Variants in LUC7L2 observed in about 807,000 individuals in gnomAD.
The protein encoded by LUC7L2 is LUC7 like 2, pre-mRNA splicing factor, also known as putative RNA-binding protein Luc7-like 2.
A neutral mutation model predicts 52.8 loss-of-function variants in LUC7L2; 25 were observed. The ratio of observed to expected loss-of-function variants is 0.47; its 90% CI spans 0.34 to 0.66. LUC7L2 has a LOEUF of 0.66. LUC7L2 is among the 30% of genes least tolerant of loss of function. LUC7L2 has a pLI of 0.01. For missense variants in LUC7L2, 328 were observed against 497.8 expected (o/e 0.66, Z 3.25); for synonymous variants, 144 against 160.9 (o/e 0.89, Z 0.80).
chr7:139,366,228 T>A, intron 1 of LUC7L2, among the ~76,000 whole-genome samples: 1 of 152,256 alleles, frequency 6.6e-6, no homozygotes, highest in East Asian at 1.9e-4. Flanking sequence ...TTGTGAACCA[T>A]GTACAACTGA....
intron 2 of LUC7L2, among the ~76,000 whole-genome samples, chr7:139,397,834 A>G (rs2131272644): frequency 6.6e-6 from 1 of 152,302 alleles, no homozygotes; most frequent in East Asian, 1.9e-4. Context: ...GAAGGACCCT[A>G]GATTCAGTAA....
intron 2 of LUC7L2, among the ~76,000 whole-genome samples, chr7:139,387,649 A>T (rs1311206291): frequency 6.6e-6 from 1 of 152,222 alleles, no homozygotes; most frequent in African/African-American, 2.4e-5. Flanking sequence ...GTTCCTACGC[A>T]AAACTTGTGG....
chr7:139,375,110 T>C, intron 1 of LUC7L2: 2 of 984,216 alleles, frequency 2.0e-6, no homozygotes, highest in African/African-American at 3.5e-5. Context: ...AGAGGAAACA[T>C]CCTAATGAGT....
intron 1 of LUC7L2, among the ~76,000 whole-genome samples, chr7:139,354,185 T>A (rs2131161879): frequency 6.6e-6 from 1 of 152,204 alleles, no homozygotes; most frequent in East Asian, 1.9e-4. Flanking sequence ...GTCTAGGTAA[T>A]TTGGAGTGAC....
intron 6 of LUC7L2, 145 bp downstream of exon 6, chr7:139,407,495 T>G: frequency 2.0e-6 from 2 of 1,009,362 alleles, no homozygotes; most frequent in Non-Finnish European, 2.6e-6. Flanking sequence ...AGATGGAAAT[T>G]CAAGTTGGTT....
upstream of LUC7L2, among the ~76,000 whole-genome samples, chr7:139,358,775 C>G (rs1585069532): frequency 6.6e-6 from 1 of 152,164 alleles, no homozygotes. Flanking sequence ...ACCTCCGTCT[C>G]CCGGGTTCAA....
At chr7:139,394,345 C>A (rs1794572610) in intron 2 of LUC7L2, among the ~76,000 whole-genome samples, 1 of 152,200 alleles carries the variant, frequency 6.6e-6, no homozygotes, top group South Asian at 2.1e-4. Flanking sequence ...AATCTTACCC[C>A]TCTCATGCAT....
At chr7:139,417,505 A>G (rs770835517) in intron 8 of LUC7L2, 33 bp from the exon 9 acceptor site, 2 of 1,594,316 alleles carry the variant, frequency 1.3e-6, no homozygotes, top group South Asian at 1.1e-5. Flanking sequence ...AGTAATTACA[A>G]AGGTAGAAAC....
At chr7:139,355,931 A>G (rs1799592235), upstream of LUC7L2, among the ~76,000 whole-genome samples, 2 of 152,218 alleles carry the variant, frequency 1.3e-5, no homozygotes. Context: ...TAAAGTAGCC[A>G]GCTATCTTTA....
At chr7:139,388,007 T>G (rs1379539745) in intron 2 of LUC7L2, among the ~76,000 whole-genome samples, 2 of 152,128 alleles carry the variant, frequency 1.3e-5, no homozygotes, top group African/African-American at 2.4e-5. Context: ...TTACACTCTT[T>G]TCTTCTGCCT....
chr7:139,380,049 C>T (rs981526187), intron 2 of LUC7L2, among the ~76,000 whole-genome samples: 10 of 151,328 alleles, frequency 6.6e-5, no homozygotes, highest in Admixed American at 3.3e-4. Flanking sequence ...CGTAGTGGCC[C>T]GCACCTGTAA....
At chr7:139,383,032 TCTC>T (rs1311986115) in intron 2 of LUC7L2, among the ~76,000 whole-genome samples, 1 of 152,122 alleles carries the variant, frequency 6.6e-6, no homozygotes, top group Non-Finnish European at 1.5e-5. Flanking sequence ...CATAAGCAAT[TCTC>T]CTGCCTCACC....
chr7:139,375,409 A>AT, intron 1 of LUC7L2: 2 of 985,416 alleles, frequency 2.0e-6, no homozygotes, highest in Non-Finnish European at 2.4e-6. Context: ...TTAACGTTTC[A>AT]TTAGGCAATG....
chr7:139,413,538 G>A (rs533407653), intron 8 of LUC7L2, among the ~76,000 whole-genome samples: 7 of 152,198 alleles, frequency 4.6e-5, no homozygotes, highest in Non-Finnish European at 8.8e-5. Flanking sequence ...AGCTCTTTGG[G>A]AGGCCGAGGC....
At chr7:139,380,813 C>T (rs556352853) in intron 2 of LUC7L2, among the ~76,000 whole-genome samples, 96 of 152,150 alleles carry the variant, frequency 6.3e-4, no homozygotes, top group African/African-American at 2.3e-3. Context: ...ACGTATCTTC[C>T]CTGAGGAAAG....
chr7:139,370,851 C>T (rs1056368605), intron 1 of LUC7L2, among the ~76,000 whole-genome samples: 17 of 151,812 alleles, frequency 1.1e-4, no homozygotes, highest in Admixed American at 3.3e-4. Flanking sequence ...CACATTATTA[C>T]GTGAACTCAG....
intron 1 of LUC7L2, among the ~76,000 whole-genome samples, chr7:139,340,786 GTCCTTTT>G (rs1400561202): frequency 2.7e-5 from 4 of 150,696 alleles, no homozygotes; most frequent in Non-Finnish European, 5.9e-5. Context: ...TGTGACTTTT[GTCCTTTT>G]TTCCCCTTTC....
intron 4 of LUC7L2, among the ~76,000 whole-genome samples, chr7:139,403,791 A>G (rs925625311): frequency 6.6e-6 from 1 of 152,202 alleles, no homozygotes; most frequent in Non-Finnish European, 1.5e-5. Context: ...GCTTACTCAC[A>G]TGCCTTGCAG....
chr7:139,418,010 G>A (rs1030651195), intron 9 of LUC7L2, among the ~76,000 whole-genome samples: 1 of 152,140 alleles, frequency 6.6e-6, no homozygotes, highest in Non-Finnish European at 1.5e-5. Context: ...TTCTTTACAG[G>A]TAAATAATTT....
Sources: allele counts gnomAD v4.1 joint callset (sites outside exome capture counted in the v4.1 genomes callset), GRCh38; gene constraint gnomAD v4.1.1; transcripts MANE v1.5; gene names NCBI Gene and HGNC (gene_info 2026-07-23, HGNC 2026-07-21).